Variants in HACD3 observed in about 807,000 individuals in gnomAD.
HACD3 encodes very-long-chain (3R)-3-hydroxyacyl-CoA dehydratase 3.
Under a neutral mutation model 55.2 loss-of-function variants are expected in HACD3, and 30 were observed. The observed-to-expected ratio is 0.54, with a 90% CI of 0.41 to 0.74. The LOEUF is 0.74. HACD3 is among the 30% of genes least tolerant of loss of function. The probability of loss-of-function intolerance (pLI) is 0.00; values close to 1 mark genes in which losing one functional copy is unlikely to be tolerated. For synonymous variants in HACD3, 141 were observed against 151.7 expected (o/e 0.93, Z 0.52); for missense variants, 363 against 440.1 (o/e 0.82, Z 1.57).
intron 1 of HACD3, among the ~76,000 whole-genome samples, chr15:65,547,057 A>G (rs547207735): frequency 6.6e-6 from 1 of 152,294 alleles, no homozygotes; most frequent in South Asian, 2.1e-4. Context: ...AGCGACGAAA[A>G]ATGCAATGAC....
At chr15:65,564,092 C>G in intron 6 of HACD3, 123 bp from the exon 7 acceptor site, 2 of 1,238,908 alleles carry the variant, frequency 1.6e-6, no homozygotes, top group South Asian at 2.6e-5. Context: ...AAACTTGAAT[C>G]TGACTGGATG....
rs967141832 is a variant in HACD3, at chr15:65,576,677, AT to A, written c.*307del. ...TCAGTCTGTCTAATACATGCCAGAG[AT>A]TTTTTTTTCAAAAAGTGCTTTATCC... On this transcript the variant is annotated 3_prime_UTR_variant, in exon 11 of 11. Transcript: ENST00000261875. 34 of 321,930 alleles carry A rather than the reference AT, an allele frequency of 1.1e-4. No homozygotes were observed. The highest frequency in any genetic ancestry group is 1.5e-4 in the Non-Finnish European group (27 of 176,734). 19.9% of individuals were successfully genotyped at this position (321,930 alleles called of 1,614,324 possible).
chr15:65,531,455 G>C (rs1312892930), intron 1 of HACD3: 1 of 152,186 alleles, frequency 6.6e-6, no homozygotes, highest in African/African-American at 2.4e-5. Context: ...CGTAGTAGTG[G>C]AGACTCCAGG....
chr15:65,564,861 C>T, intron 7 of HACD3: 1 of 152,896 alleles, frequency 6.5e-6, no homozygotes, highest in Non-Finnish European at 1.5e-5. Flanking sequence ...TCAGCATTAA[C>T]CCCAAAGTCC....
intron 7 of HACD3, chr15:65,565,345 G>T (rs542722290): frequency 6.6e-6 from 1 of 152,284 alleles, no homozygotes; most frequent in African/African-American, 2.4e-5. Flanking sequence ...GATTCTGTGT[G>T]GGGGCTCCAA....
chr15:65,561,521 T>G (rs1243346364), intron 5 of HACD3, among the ~76,000 whole-genome samples: 1 of 152,184 alleles, frequency 6.6e-6, no homozygotes, highest in Non-Finnish European at 1.5e-5. Context: ...TATTTCCTTT[T>G]TGTAATGCCT....
rs142684857 is a variant in HACD3 at position 65,576,451 on chromosome 15, A to C, written c.*72A>C. ...TCTTACAGTTTTACCTTCTTGAACC[A>C]ATGTAAAAGTTTTTTTAATGTTAAA... is the stretch of plus-strand genomic sequence containing the variant. On this transcript the variant is annotated 3_prime_UTR_variant, in exon 11 of 11. Transcript: ENST00000261875. 1 of 1,450,674 alleles carries C rather than the reference A, an allele frequency of 6.9e-7. No homozygotes were observed. Among genetic ancestry groups the C allele is most frequent in the East Asian group, 2.4e-5 (1 of 41,000 alleles). The allele number at this position is 1,450,674 out of a possible 1,614,324, so 89.9% of individuals were successfully genotyped here. A position where few individuals can be genotyped will look rare whatever the true frequency, so the allele number is the denominator to read the frequency against.
intron 7 of HACD3, 70 bp downstream of exon 7, chr15:65,564,412 A>G (rs897833638): frequency 3.1e-5 from 47 of 1,537,618 alleles, no homozygotes; most frequent in Non-Finnish European, 4.1e-5. Context: ...TATGTGTATT[A>G]GTCCATTTTC....
chr15:65,554,922 G>A lies in HACD3; in HGVS notation c.166G>A (p.Glu56Lys), dbSNP rs11632737. ...TGGTGCCAAAGGAGACAATGTCTATGAATTTCACCTGGAGTTCTTAGACCT... is the reference window on the plus strand; with the variant it reads ...TGGTGCCAAAGGAGACAATGTCTATAAATTTCACCTGGAGTTCTTAGACCT... ...GHGAKGDNVY[E>K]FHLEFLDLVK... Residue 56 changes from glutamate to lysine, a missense_variant, in exon 3 of 11, where the codon GAA (glutamate) becomes AAA (lysine). Glu to Lys is a moderately conservative substitution (Grantham distance 56). Coordinates refer to ENST00000261875, the MANE Select transcript of HACD3 (RefSeq NM_016395.4). 4.4e-5 allele frequency: 71 copies of A among 1,612,368 alleles called. No individual in the cohort carries two copies. Among genetic ancestry groups the A allele is most frequent in the Non-Finnish European group, 5.5e-5 (65 of 1,178,560 alleles).
intron 1 of HACD3, among the ~76,000 whole-genome samples, chr15:65,542,356 C>T (rs566278396): frequency 6.6e-6 from 1 of 152,140 alleles, no homozygotes; most frequent in East Asian, 1.9e-4. Context: ...CTCCACCTCT[C>T]AGGCCCAAGT....
intron 9 of HACD3, 87 bp downstream of exon 9, chr15:65,571,741 G>A: frequency 2.0e-6 from 2 of 1,012,998 alleles, no homozygotes; most frequent in Non-Finnish European, 2.9e-6. Context: ...CCCGGCCTTA[G>A]TCCGATAAAT....
intron 1 of HACD3, among the ~76,000 whole-genome samples, chr15:65,534,644 C>T (rs552721150): frequency 2.6e-5 from 4 of 152,268 alleles, no homozygotes; most frequent in East Asian, 3.9e-4. Context: ...TGTTCCTGTC[C>T]TTACCTAACA....
In HACD3 at chr15:65,537,951, AAAAAAAAATATATATATATATATATATAT is replaced by A. The variant is rs1418991291; in HGVS notation, c.87+7235_87+7263del. 2.6e-3 allele frequency among the ~76,000 whole-genome samples: 50 copies of A among 19,590 alleles called. 2 individuals carry two copies. In the South Asian group the frequency reaches 0.032, roughly 13 times the overall value. 12.9% of individuals were successfully genotyped at this position (19,590 alleles called of 152,430 possible). A position where few individuals can be genotyped will look rare whatever the true frequency, so the allele number is the denominator to read the frequency against. On this transcript the variant is annotated intron_variant, in intron 1 of 10. Coordinates refer to ENST00000261875, the MANE Select transcript of HACD3 (RefSeq NM_016395.4). ...ACTTCTCAGAAAAAAAAAAAAAAAA[AAAAAAAAATATATATATATATATATATAT>A]ATATATATATATATATATATGTATA...
At chr15:65,575,610 A>AG (rs1219313426) in intron 10 of HACD3, among the ~76,000 whole-genome samples, 2 of 152,182 alleles carry the variant, frequency 1.3e-5, no homozygotes, top group African/African-American at 2.4e-5. Context: ...CTGAAGAATT[A>AG]GGGGGGTGAG....
At chr15:65,556,035 C>T (rs1260289206) in intron 3 of HACD3, among the ~76,000 whole-genome samples, 1 of 152,108 alleles carries the variant, frequency 6.6e-6, no homozygotes, top group Non-Finnish European at 1.5e-5. Flanking sequence ...CAGAGAAGGA[C>T]ATTATGTCCT....
chr15:65,559,407 AAAAC>A (rs1184399986), intron 5 of HACD3, among the ~76,000 whole-genome samples: 7 of 151,852 alleles, frequency 4.6e-5, no homozygotes, highest in Non-Finnish European at 7.4e-5. Flanking sequence ...AGGTGTATGT[AAAAC>A]TACCTCTGAA....
intron 10 of HACD3, among the ~76,000 whole-genome samples, chr15:65,575,542 G>C (rs1200333515): frequency 6.6e-6 from 1 of 152,030 alleles, no homozygotes; most frequent in Admixed American, 6.6e-5. Context: ...CTTTAGATTT[G>C]TGCATTTCAT....
chr15:65,545,419 A>G (rs569502902), intron 1 of HACD3, among the ~76,000 whole-genome samples: 47 of 152,288 alleles, frequency 3.1e-4, no homozygotes, highest in Non-Finnish European at 5.7e-4. Flanking sequence ...AGGCATGGCA[A>G]TCAAGAGGAA....
chr15:65,571,389 G>C (rs1194955504), intron 8 of HACD3, among the ~76,000 whole-genome samples, 159 bp from the exon 9 acceptor site: 1 of 152,216 alleles, frequency 6.6e-6, no homozygotes, highest in East Asian at 1.9e-4. Context: ...TTAGGGCGCA[G>C]TGTGGCAGGA....
Sources: allele counts gnomAD v4.1 joint callset (sites outside exome capture counted in the v4.1 genomes callset), GRCh38; gene constraint gnomAD v4.1.1; transcripts MANE v1.5; gene names NCBI Gene and HGNC (gene_info 2026-07-23, HGNC 2026-07-21).